FLRT1: variants seen among roughly 807,000 people sequenced by gnomAD.
FLRT1 encodes the protein fibronectin leucine rich transmembrane protein 1.
A neutral mutation model predicts 30.9 loss-of-function variants in FLRT1; 14 were observed. That is an observed-to-expected ratio of 0.45 (90% CI 0.30 to 0.71). The LOEUF (loss-of-function observed/expected upper bound fraction) is 0.71, where lower values mean the gene tolerates loss of function less well. FLRT1 is among the 30% of genes least tolerant of loss of function. The pLI, the probability that FLRT1 is intolerant of heterozygous loss-of-function variation, is 0.08. For missense variants in FLRT1, 737 were observed against 949.2 expected (o/e 0.78, Z 2.94); for synonymous variants, 368 against 430.4 (o/e 0.85, Z 1.80).
intron 1 of FLRT1, among the ~76,000 whole-genome samples, chr11:64,091,238 C>G (rs1027632588): frequency 6.6e-6 from 1 of 151,972 alleles, no homozygotes; most frequent in Non-Finnish European, 1.5e-5. Context: ...GGTCTGCAGC[C>G]CACGGAGTGT....
Position 64,116,361 on chromosome 11 carries a change from C to G in FLRT1, c.94C>G (p.Arg32Gly), listed in dbSNP as rs1042224142. Residue 32 changes from arginine (R) to glycine (G), a missense_variant, in exon 3 of 3, where the codon CGG becomes GGG. Transcript: ENST00000682287. Reference sequence around the variant, plus strand: ...GATGACCACGGCCACCATGGACCTGCGGGACTGGCTGTTCCTCTGCTACGG... The same window carrying G: ...GATGACCACGGCCACCATGGACCTGGGGGACTGGCTGTTCCTCTGCTACGG... ...VVMTTATMDL[R>G]DWLFLCYGLI... The G allele has an allele frequency of 3.1e-6, 5 of 1,612,958 alleles. No individual in the cohort carries two copies. Among genetic ancestry groups the G allele is most frequent in the Non-Finnish European group, 3.4e-6 (4 of 1,179,760 alleles).
intron 2 of FLRT1, among the ~76,000 whole-genome samples, chr11:64,109,336 A>C (rs937790001): frequency 2.6e-5 from 4 of 152,160 alleles, no homozygotes; most frequent in African/African-American, 9.7e-5. Flanking sequence ...TGACTTATAA[A>C]GGCTTTGCAG....
chr11:64,099,344 A>C (rs1944631346), intron 1 of FLRT1, among the ~76,000 whole-genome samples: 1 of 152,232 alleles, frequency 6.6e-6, no homozygotes, highest in Non-Finnish European at 1.5e-5. Context: ...CTCCTGGAGG[A>C]TGAGGGCATC....
At position 64,064,731 on chromosome 11, in the gene FLRT1, C is replaced by G. The variant is rs948650362; in HGVS notation, c.-1038+28572C>G. Among the ~76,000 whole-genome samples the G allele has an allele frequency of 6.6e-6, 1 of 150,814 alleles. No homozygotes were observed. The highest frequency in any genetic ancestry group is 2.4e-5 in the African/African-American group (1 of 41,156). On this transcript the variant is annotated intron_variant, in intron 1 of 2. Transcript: ENST00000682287. The surrounding 1 kb of genome is among the most constrained non-coding windows in gnomAD (Gnocchi z 4.5). The stretch of plus-strand genomic sequence containing the variant: ...TTCTCCTCTCCCCTCCCTGCCAGCC[C>G]CCCAGCAGGCAGCCAGGCCTGGACC...
chr11:64,105,643 G>GT (rs1565234963), intron 2 of FLRT1, among the ~76,000 whole-genome samples: 2 of 152,128 alleles, frequency 1.3e-5, no homozygotes, highest in Non-Finnish European at 1.5e-5. Context: ...CCCCACAGGC[G>GT]TGAGTGACCC....
intron 2 of FLRT1, among the ~76,000 whole-genome samples, chr11:64,113,871 C>CATGGATGG (rs202172057): frequency 0.011 from 823 of 77,788 alleles, 23 homozygotes; most frequent in South Asian, 0.096. Context: ...TGGATTGATA[C>CATGGATGG]ATGGATGGAT....
intron 1 of FLRT1, among the ~76,000 whole-genome samples, chr11:64,047,562 C>CT (rs1943607908): frequency 6.6e-6 from 1 of 152,050 alleles, no homozygotes. Context: ...CCCAGATGTA[C>CT]TTAGAGGCTC....
At chr11:64,106,867 C>T (rs969964548) in intron 2 of FLRT1, among the ~76,000 whole-genome samples, 1 of 152,110 alleles carries the variant, frequency 6.6e-6, no homozygotes, top group Non-Finnish European at 1.5e-5. Context: ...TTCCACTGGG[C>T]TTTCTTTTAT....
intron 1 of FLRT1, among the ~76,000 whole-genome samples, chr11:64,044,241 C>T (rs186272225): frequency 6.6e-6 from 1 of 151,870 alleles, no homozygotes; most frequent in African/African-American, 2.4e-5. Context: ...GTTGGCAGTT[C>T]CCCCAACAAC....
chr11:64,042,849 G>A (rs1382427067), intron 1 of FLRT1, among the ~76,000 whole-genome samples: 1 of 152,178 alleles, frequency 6.6e-6, no homozygotes, highest in Non-Finnish European at 1.5e-5. Context: ...AGAGGGGCTG[G>A]GTAGTGCCAC....
chr11:64,074,207 G>A (rs1944160263), intron 1 of FLRT1, among the ~76,000 whole-genome samples: 1 of 152,236 alleles, frequency 6.6e-6, no homozygotes, highest in Admixed American at 6.5e-5. Context: ...AGAGAGAAAG[G>A]AGGGCTTCCC....
chr11:64,075,636 TGAG>T (rs1461063717), intron 1 of FLRT1, among the ~76,000 whole-genome samples: 1 of 152,228 alleles, frequency 6.6e-6, no homozygotes, highest in Non-Finnish European at 1.5e-5. Flanking sequence ...CAGCTCTGGC[TGAG>T]AAGAAGGGGG....
At chr11:64,098,887 T>C (rs796545868) in intron 1 of FLRT1, among the ~76,000 whole-genome samples, 11 of 152,322 alleles carry the variant, frequency 7.2e-5, no homozygotes, top group African/African-American at 2.4e-4. Flanking sequence ...ATCTGATTAA[T>C]GACACATACA....
chr11:64,047,045 C>G (rs1186765809), intron 1 of FLRT1, among the ~76,000 whole-genome samples: 2 of 152,174 alleles, frequency 1.3e-5, no homozygotes, highest in African/African-American at 4.8e-5. Flanking sequence ...CCCAGTGCCC[C>G]CCCCGGCTAG....
At position 64,054,147 on chromosome 11, in the gene FLRT1, G is replaced by A. The variant is rs575293669; in HGVS notation, c.-1038+17988G>A. ...ACCAGGCAGGAGCCTGGAGCCCCAC[G>A]GCTAGCCAGGGTCAGGGCAGGGAAG... On this transcript the variant is annotated intron_variant, in intron 1 of 2. Coordinates refer to ENST00000682287, the MANE Select transcript of FLRT1 (RefSeq NM_013280.5). Among the ~76,000 whole-genome samples, 706 of 152,266 alleles carry A rather than the reference G, an allele frequency of 4.6e-3. 5 individuals are homozygous for A. Among genetic ancestry groups the A allele is most frequent in the Non-Finnish European group, 7.0e-3 (475 of 68,018 alleles).
intron 1 of FLRT1, among the ~76,000 whole-genome samples, chr11:64,094,744 CT>C (rs1555021868): frequency 6.6e-6 from 1 of 152,242 alleles, no homozygotes; most frequent in Non-Finnish European, 1.5e-5. Flanking sequence ...ATGCTGACCC[CT>C]ATCTACCAGG....
At chr11:64,040,861 G>A (rs981410975) in intron 1 of FLRT1, among the ~76,000 whole-genome samples, 25 of 152,202 alleles carry the variant, frequency 1.6e-4, no homozygotes, top group Non-Finnish European at 2.6e-4. Context: ...AGCCACTAGG[G>A]GACACTGCCT....
rs762177294 is a variant in FLRT1, at chr11:64,116,248, G to A, written c.-20G>A. The A allele has an allele frequency of 2.5e-6, 4 of 1,583,806 alleles. No individual in the cohort carries two copies. In the African/African-American group the frequency reaches 5.4e-5, roughly 21 times the overall value. On this transcript the variant is annotated 5_prime_UTR_variant, in exon 3 of 3. Coordinates refer to ENST00000682287, the MANE Select transcript of FLRT1 (RefSeq NM_013280.5). ...TCAGGCTCCAGGCCAGGTGGGGCCGGACGCCCCCAGCCATCCACCATGGTG... is the reference window on the plus strand; with the variant it reads ...TCAGGCTCCAGGCCAGGTGGGGCCGAACGCCCCCAGCCATCCACCATGGTG...
intron 1 of FLRT1, among the ~76,000 whole-genome samples, chr11:64,053,699 C>A (rs948871295): frequency 1.3e-5 from 2 of 152,150 alleles, no homozygotes; most frequent in African/African-American, 4.8e-5. Context: ...GCTTAAGGGG[C>A]CTGGAGCCCC....
Sources: allele counts gnomAD v4.1 joint callset (sites outside exome capture counted in the v4.1 genomes callset), GRCh38; gene constraint gnomAD v4.1.1; non-coding constraint Gnocchi (gnomAD v3.1); transcripts MANE v1.5; gene names NCBI Gene and HGNC (gene_info 2026-07-23, HGNC 2026-07-21).